Variants in DLC1 observed in about 807,000 individuals in gnomAD.
DLC1 encodes DLC1 Rho GTPase activating protein.
A neutral mutation model predicts 140.3 loss-of-function variants in DLC1; 54 were observed. The observed-to-expected ratio is 0.38, with a 90% confidence interval of 0.31 to 0.48. The LOEUF is 0.48. Among genes scored for constraint, DLC1 ranks in the 20% least tolerant of loss-of-function variants. The probability of loss-of-function intolerance (pLI) is 0.96; values close to 1 mark genes in which losing one functional copy is unlikely to be tolerated. For synonymous variants in DLC1, 986 were observed against 728.1 expected (o/e 1.35, Z -5.70); for missense variants, 2,536 against 1,907.0 (o/e 1.33, Z -6.14).
At chr8:13,573,950 C>A (rs1278827711) in intron 1 of DLC1, among the ~76,000 whole-genome samples, 3 of 152,142 alleles carry the variant, frequency 2.0e-5, no homozygotes, top group African/African-American at 7.2e-5. Context: ...CATCATTCAT[C>A]ATATCCTTGG....
At chr8:13,345,154 T>C (rs1834269669) in intron 4 of DLC1, among the ~76,000 whole-genome samples, 1 of 152,130 alleles carries the variant, frequency 6.6e-6, no homozygotes, top group South Asian at 2.1e-4. Flanking sequence ...GTGATATGGT[T>C]GGCTGGTGGA....
chr8:13,290,194 G>T (rs995223547), intron 5 of DLC1, among the ~76,000 whole-genome samples: 1 of 152,110 alleles, frequency 6.6e-6, no homozygotes, highest in Non-Finnish European at 1.5e-5. Context: ...TTGTTTTGCC[G>T]TACACACTTT....
At chr8:13,348,671 C>T (rs1169297772) in intron 4 of DLC1, among the ~76,000 whole-genome samples, 1 of 152,020 alleles carries the variant, frequency 6.6e-6, no homozygotes, top group Non-Finnish European at 1.5e-5. Flanking sequence ...ATTCACCTAT[C>T]TTAAAGCCCT....
intron 1 of DLC1, among the ~76,000 whole-genome samples, chr8:13,580,793 G>T (rs1311209241): frequency 6.6e-6 from 1 of 152,206 alleles, no homozygotes. Flanking sequence ...CACACACCAG[G>T]AGGGTATGAA....
At chr8:13,403,711 G>C (rs905597308) in intron 2 of DLC1, among the ~76,000 whole-genome samples, 4 of 151,532 alleles carry the variant, frequency 2.6e-5, no homozygotes, top group African/African-American at 9.7e-5. Context: ...CACGATGTTG[G>C]CTCGCTGCAG....
chr8:13,423,984 A>G (rs553630784), intron 2 of DLC1, among the ~76,000 whole-genome samples: 1 of 152,330 alleles, frequency 6.6e-6, no homozygotes, highest in Admixed American at 6.5e-5. Context: ...CGTAATCCAA[A>G]TGTGCATTTT....
chr8:13,552,049 A>G (rs1299034550), intron 1 of DLC1, among the ~76,000 whole-genome samples: 1 of 141,470 alleles, frequency 7.1e-6, no homozygotes, highest in Non-Finnish European at 1.5e-5. Context: ...GTATATATAT[A>G]TATACACATA....
rs199784591 is a variant in DLC1, at chr8:13,092,599, A to G, written c.3740+13T>C. 17 of 1,613,304 alleles carry G rather than the reference A, an allele frequency of 1.1e-5. No individual in the cohort carries two copies. In the East Asian group the frequency reaches 2.9e-4, roughly 27 times the overall value. On this transcript the variant is annotated intron_variant, in intron 13 of 17. Coordinates refer to ENST00000276297, the MANE Select transcript of DLC1 (RefSeq NM_182643.3). The stretch of plus-strand genomic sequence containing the variant: ...TGCCCCCTGTGTGCATGCACCTCCC[A>G]TGCAGCCCGTACCTGGGAGAGGAAT...
chr8:13,128,245 T>C (rs2128960802), intron 5 of DLC1, among the ~76,000 whole-genome samples: 1 of 152,312 alleles, frequency 6.6e-6, no homozygotes, highest in East Asian at 1.9e-4. Flanking sequence ...TTAGAAATAA[T>C]ATTTGAAAGT....
At chr8:13,214,326 T>G in intron 5 of DLC1, 1 of 274,086 alleles carries the variant, frequency 3.6e-6, no homozygotes, top group Non-Finnish European at 6.8e-6. Context: ...CATCCTTACA[T>G]TGTTTCCCGG....
intron 4 of DLC1, among the ~76,000 whole-genome samples, chr8:13,383,493 C>A (rs1836367259): frequency 6.6e-6 from 1 of 152,156 alleles, no homozygotes; most frequent in Non-Finnish European, 1.5e-5. Context: ...CAGATGCTAT[C>A]TTTTGGGGGC....
rs548210025 is a variant in DLC1 at position 13,150,699 on chromosome 8, G to A, written c.1349-35042C>T. On this transcript the variant is annotated intron_variant, in intron 5 of 17. Coordinates refer to ENST00000276297, the MANE Select transcript of DLC1 (RefSeq NM_182643.3). Reference sequence around the variant, plus strand: ...AAACACTTTCCCCCTGAACTCTAAAGGACCCGTGCTTTTCAGTAACAGTTT... The same window carrying A: ...AAACACTTTCCCCCTGAACTCTAAAAGACCCGTGCTTTTCAGTAACAGTTT... Among the ~76,000 whole-genome samples, 25 of 152,310 alleles carry A rather than the reference G, an allele frequency of 1.6e-4. No homozygotes were observed. In the South Asian group the frequency reaches 5.0e-3, roughly 30 times the overall value.
intron 5 of DLC1, among the ~76,000 whole-genome samples, chr8:13,183,535 A>G (rs906945637): frequency 6.6e-6 from 1 of 152,124 alleles, no homozygotes; most frequent in Non-Finnish European, 1.5e-5. Context: ...AGGGCTGTTG[A>G]ATTTTGTTGA....
chr8:13,548,122 G>A (rs532758368), intron 1 of DLC1, among the ~76,000 whole-genome samples: 30 of 152,106 alleles, frequency 2.0e-4, no homozygotes, highest in East Asian at 1.9e-3. Context: ...GCCTAATGCC[G>A]AGAACATAGT....
chr8:13,121,242 T>C (rs1201752785), intron 5 of DLC1, among the ~76,000 whole-genome samples: 1 of 152,200 alleles, frequency 6.6e-6, no homozygotes, highest in Non-Finnish European at 1.5e-5. Flanking sequence ...GTCAGCTGTG[T>C]GCAGGCAGGT....
intron 3 of DLC1, among the ~76,000 whole-genome samples, chr8:13,399,776 A>G (rs1170879022): frequency 2.0e-5 from 3 of 152,196 alleles, no homozygotes; most frequent in East Asian, 3.9e-4. Flanking sequence ...CTTAAAGACT[A>G]TATTATTCTT....
At chr8:13,573,051 A>G (rs536326993) in intron 1 of DLC1, among the ~76,000 whole-genome samples, 1 of 152,284 alleles carries the variant, frequency 6.6e-6, no homozygotes, top group Non-Finnish European at 1.5e-5. Flanking sequence ...TAATCTGTAT[A>G]TATCTTTGGG....
At chr8:13,168,340 C>T (rs1324506125) in intron 5 of DLC1, among the ~76,000 whole-genome samples, 1 of 152,150 alleles carries the variant, frequency 6.6e-6, no homozygotes, top group Non-Finnish European at 1.5e-5. Flanking sequence ...CTTCCCAGAG[C>T]TCTAGGTCTG....
chr8:13,094,787 G>A lies in DLC1; in HGVS notation c.3498C>T (p.Leu1166=). The change falls in exon 12 of 18, where the codon CTC becomes CTT. Residue 1166 remains leucine, a synonymous_variant. Transcript: ENST00000276297. The stretch of plus-strand genomic sequence containing the variant: ...GGTAGATCTGTAGAAAGGTTTCCGA[G>A]AGTTTGTTCGTCATTAGTGGCTCAG... The part of the protein sequence containing the change: ...DLPEPLMTNK[L]SETFLQIYQY... The A allele has an allele frequency of 6.2e-7, 1 of 1,614,206 alleles. No homozygotes were observed. Among genetic ancestry groups the A allele is most frequent in the Non-Finnish European group, 8.5e-7 (1 of 1,180,036 alleles).
Sources: allele counts gnomAD v4.1 joint callset (sites outside exome capture counted in the v4.1 genomes callset), GRCh38; gene constraint gnomAD v4.1.1; transcripts MANE v1.5; gene names NCBI Gene and HGNC (gene_info 2026-07-23, HGNC 2026-07-21).